The following SLC5A4 variants were observed in gnomAD, a reference collection of about 807,000 sequenced individuals.
SLC5A4 encodes solute carrier family 5 member 4.
SLC5A4 carries 55 observed loss-of-function variants against 70.3 expected under a neutral mutation model. The observed-to-expected ratio is 0.78, with a 90% CI of 0.63 to 0.98. The LOEUF (loss-of-function observed/expected upper bound fraction) is 0.98. Ranked by LOEUF, SLC5A4 falls within the 50% of genes least tolerant of loss-of-function variation. The pLI is 0.00. For missense variants in SLC5A4, 735 were observed against 839.2 expected, an observed-to-expected ratio of 0.88 and a Z score of 1.53; for synonymous variants, 268 against 305.7, an observed-to-expected ratio of 0.88 and a Z score of 1.29.
chr22:32,256,309 AAAAC>A (rs1431763617), upstream of SLC5A4, among the ~76,000 whole-genome samples: 6 of 152,046 alleles, frequency 3.9e-5, no homozygotes, highest in African/African-American at 1.4e-4. Flanking sequence ...TCCTGTCTCA[AAAAC>A]AAACAAAAAA....
the SLC5A4 span, among the ~76,000 whole-genome samples, chr22:32,288,966 C>A: frequency 2.6e-5 from 4 of 151,682 alleles, no homozygotes; most frequent in Non-Finnish European, 4.4e-5. Context: ...TTGTTTGTGT[C>A]TTGCTGTACT....
chr22:32,260,468 C>G, the SLC5A4 span, among the ~76,000 whole-genome samples: 5 of 150,956 alleles, frequency 3.3e-5, no homozygotes, highest in Admixed American at 2.6e-4. Context: ...CCAAGGCCAG[C>G]TGTATTCCCC....
At chr22:32,323,229 A>C in the SLC5A4 span, among the ~76,000 whole-genome samples, 2 of 152,130 alleles carry the variant, frequency 1.3e-5, no homozygotes, top group African/African-American at 4.8e-5. Flanking sequence ...GAAGCAAGTC[A>C]GGTGGACCCC....
the SLC5A4 span, among the ~76,000 whole-genome samples, chr22:32,338,119 C>CT: frequency 6.6e-6 from 1 of 152,214 alleles, no homozygotes; most frequent in East Asian, 1.9e-4. Flanking sequence ...TAGAGCAAAT[C>CT]TGAGTTTTCT....
the SLC5A4 span, among the ~76,000 whole-genome samples, chr22:32,309,306 A>G: frequency 6.6e-6 from 1 of 152,160 alleles, no homozygotes; most frequent in African/African-American, 2.4e-5. Flanking sequence ...GTCCTTACAA[A>G]CGCGGTAGTT....
At chr22:32,329,032 GT>G in the SLC5A4 span, among the ~76,000 whole-genome samples, 1 of 152,216 alleles carries the variant, frequency 6.6e-6, no homozygotes, top group South Asian at 2.1e-4. Context: ...GGCTCTGGGG[GT>G]TCCCTAGCAC....
chr22:32,328,573 C>G, the SLC5A4 span, among the ~76,000 whole-genome samples: 1 of 152,084 alleles, frequency 6.6e-6, no homozygotes, highest in Admixed American at 6.5e-5. Context: ...TACCAGCCAC[C>G]TGAGTGAGCT....
chr22:32,254,061 G>C, intron 2 of SLC5A4, 81 bp downstream of exon 2: 1 of 1,112,900 alleles, frequency 9.0e-7, no homozygotes, highest in Non-Finnish European at 1.4e-6. Flanking sequence ...GATTACAGGC[G>C]TGAGACACCG....
the SLC5A4 span, among the ~76,000 whole-genome samples, chr22:32,340,636 G>A: frequency 6.6e-6 from 1 of 152,338 alleles, no homozygotes; most frequent in Admixed American, 6.5e-5. Flanking sequence ...CTGAGCAGGG[G>A]CTGTGGAAGG....
chr22:32,225,152 A>C (rs1325006877), intron 12 of SLC5A4, among the ~76,000 whole-genome samples: 1 of 152,236 alleles, frequency 6.6e-6, no homozygotes, highest in Middle Eastern at 3.2e-3. Flanking sequence ...TTGAAAGATT[A>C]AGGGTACATG....
At chr22:32,337,892 A>G in the SLC5A4 span, among the ~76,000 whole-genome samples, 1 of 149,020 alleles carries the variant, frequency 6.7e-6, no homozygotes, top group Admixed American at 6.8e-5. Flanking sequence ...GAAGTGATAC[A>G]TTTTGAGTAT....
chr22:32,291,816 T>TTA, the SLC5A4 span, among the ~76,000 whole-genome samples: 56 of 149,864 alleles, frequency 3.7e-4, no homozygotes, highest in Admixed American at 1.5e-3. Flanking sequence ...TTTTTATATT[T>TTA]TATATATATG....
At chr22:32,289,472 G>A in the SLC5A4 span, among the ~76,000 whole-genome samples, 2 of 152,134 alleles carry the variant, frequency 1.3e-5, no homozygotes, top group African/African-American at 2.4e-5. Flanking sequence ...AGGGGCTGCC[G>A]CCATCACGCT....
the SLC5A4 span, among the ~76,000 whole-genome samples, chr22:32,331,110 T>G: frequency 1.2e-4 from 6 of 48,134 alleles, no homozygotes; most frequent in South Asian, 3.4e-3. Context: ...TGGAGGCTCT[T>G]GTGTGTGTTC....
At chr22:32,326,608 C>T in the SLC5A4 span, among the ~76,000 whole-genome samples, 1 of 152,094 alleles carries the variant, frequency 6.6e-6, no homozygotes, top group Non-Finnish European at 1.5e-5. Flanking sequence ...GGAGGAGATG[C>T]TATTAATCCT....
chr22:32,287,738 A>T, the SLC5A4 span, among the ~76,000 whole-genome samples: 1 of 150,756 alleles, frequency 6.6e-6, no homozygotes, highest in African/African-American at 2.4e-5. Context: ...CACCTGCCTC[A>T]GTCTCCCAAA....
the SLC5A4 span, chr22:32,268,548 A>G: frequency 1.3e-5 from 2 of 152,658 alleles, no homozygotes; most frequent in African/African-American, 2.4e-5. Context: ...TGACAATTCT[A>G]TATCAGAACC....
Position 32,255,193 on chromosome 22 carries a change from A to T in SLC5A4, c.135+2T>A. 1 of 1,613,002 alleles carries T rather than the reference A, an allele frequency of 6.2e-7. No homozygotes were observed. On this transcript the variant is annotated splice_donor_variant, in intron 1 of 14. Coordinates refer to ENST00000266086, the MANE Select transcript of SLC5A4 (RefSeq NM_014227.3). LOFTEE classifies it high-confidence loss of function. ...CCTAAAAGCCACTGGGATTCCACCT[A>T]CCCACAGCCCAACAGCCATCACCAC... is the stretch of plus-strand genomic sequence containing the variant.
At chr22:32,270,868 G>A in the SLC5A4 span, 3 of 550,426 alleles carry the variant, frequency 5.5e-6, no homozygotes, top group African/African-American at 1.9e-5. Context: ...ACAAGCCCCC[G>A]CTGCACCATC....
Sources: gnomAD v4.1 joint callset for allele counts (sites outside exome capture counted in the v4.1 genomes callset) on GRCh38, gnomAD v4.1.1 for gene constraint, MANE v1.5 for transcripts, NCBI Gene and HGNC (gene_info 2026-07-23, HGNC 2026-07-21) for gene names.